PCDHGB1: variants seen among roughly 807,000 people sequenced by gnomAD.
PCDHGB1 encodes protocadherin gamma-B1.
In PCDHGB1, 34 loss-of-function variants were observed where a neutral mutation model predicts 56.6. The ratio of observed to expected loss-of-function variants is 0.60; its 90% CI spans 0.46 to 0.80. The LOEUF (loss-of-function observed/expected upper bound fraction) is 0.80, where lower values mean the gene tolerates loss of function less well. PCDHGB1 is among the 30% of genes least tolerant of loss of function. The pLI, the probability that PCDHGB1 is intolerant of heterozygous loss-of-function variation, is 0.00. For synonymous variants in PCDHGB1, 561 were observed against 505.9 expected, an observed-to-expected ratio of 1.11 and a Z score of -1.46; for missense variants, 1,278 against 1,204.6, an observed-to-expected ratio of 1.06 and a Z score of -0.90.
chr5:141,403,627 A>G lies in PCDHGB1; in HGVS notation c.2409+50958A>G, dbSNP rs1187522360. ...GCGGCGAGCCGCGTCGCTCCAGCAC[A>G]GTGCGCATCCATGTGACAGTGTTGG... On this transcript the variant is annotated intron_variant, in intron 1 of 3. Coordinates refer to ENST00000523390, the MANE Select transcript of PCDHGB1 (RefSeq NM_018922.3). 4 of 1,613,922 alleles carry G rather than the reference A, an allele frequency of 2.5e-6. No individual in the cohort carries two copies. The East Asian group carries it at 8.9e-5, about 36-fold the overall frequency.
chr5:141,422,338 A>C, intron 1 of PCDHGB1: 1 of 1,550,090 alleles, frequency 6.5e-7, no homozygotes, highest in Non-Finnish European at 8.7e-7. Flanking sequence ...TGCTCTTCTA[A>C]ATGTGCAAGA....
chr5:141,501,288 TATACACAC>T (rs1482707793), intron 2 of PCDHGB1, among the ~76,000 whole-genome samples: 1 of 81,228 alleles, frequency 1.2e-5, no homozygotes, highest in African/African-American at 4.9e-5. Flanking sequence ...GATATTCCCT[TATACACAC>T]ACACACACAC....
At position 141,430,782 on chromosome 5, in the gene PCDHGB1, G is replaced by C. The variant is rs1220976669; in HGVS notation, c.2410-64025G>C. 2.0e-6 allele frequency: 3 copies of C among 1,510,858 alleles called. No individual in the cohort carries two copies. The East Asian group carries it at 6.9e-5, about 35-fold the overall frequency. 93.6% of individuals were successfully genotyped at this position (1,510,858 alleles called of 1,614,324 possible). A position where few individuals can be genotyped will look rare whatever the true frequency, so the allele number is the denominator to read the frequency against. ...AGAATGATTCCTGCGCGACTGCACC[G>C]GGACTACAAAGGGCTTGTCCTGCTG... On this transcript the variant is annotated intron_variant, in intron 1 of 3. Coordinates refer to ENST00000523390, the MANE Select transcript of PCDHGB1 (RefSeq NM_018922.3).
In PCDHGB1 at chr5:141,477,294, C is replaced by G. The variant is rs753131175; in HGVS notation, c.2410-17513C>G. On this transcript the variant is annotated intron_variant, in intron 1 of 3. Coordinates refer to ENST00000523390, the MANE Select transcript of PCDHGB1 (RefSeq NM_018922.3). This position sits in a 1 kb window ranked among gnomAD's most constrained non-coding sequence, Gnocchi z 4.9. ...GGGCTGGTGACCTGCGAAGTTCCACCGGGTCTCCCTTTCAGCCTTACTTCT... is the reference window on the plus strand; with the variant it reads ...GGGCTGGTGACCTGCGAAGTTCCACGGGGTCTCCCTTTCAGCCTTACTTCT... The G allele has an allele frequency of 2.1e-5, 34 of 1,614,024 alleles. No individual in the cohort carries two copies. Among genetic ancestry groups the G allele is most frequent in the Non-Finnish European group, 2.9e-5 (34 of 1,180,036 alleles).
chr5:141,375,832 G>T, intron 1 of PCDHGB1: 1 of 1,614,146 alleles, frequency 6.2e-7, no homozygotes, highest in Non-Finnish European at 8.5e-7. Flanking sequence ...GCTCCGCAGA[G>T]CCCGGCTACC....
At chr5:141,420,692 A>G (rs2096518268) in intron 1 of PCDHGB1, among the ~76,000 whole-genome samples, 1 of 152,228 alleles carries the variant, frequency 6.6e-6, no homozygotes, top group Admixed American at 6.5e-5. Context: ...GGACCGTATT[A>G]TTTCCACTTC....
At chr5:141,374,730 A>G (rs1770785005) in intron 1 of PCDHGB1, 1 of 1,610,644 alleles carries the variant, frequency 6.2e-7, no homozygotes, top group South Asian at 1.1e-5. Context: ...ACTGCCATGG[A>G]TGGCGGCGAC....
chr5:141,380,249 A>G (rs758616884), intron 1 of PCDHGB1, among the ~76,000 whole-genome samples: 1 of 152,198 alleles, frequency 6.6e-6, no homozygotes, highest in African/African-American at 2.4e-5. Flanking sequence ...GCAATTGTCA[A>G]AGGGGAAGGA....
chr5:141,421,071 A>G (rs1197006989), intron 1 of PCDHGB1: 1 of 608,760 alleles, frequency 1.6e-6, no homozygotes, highest in East Asian at 2.9e-5. Flanking sequence ...GCGGAATGAG[A>G]TGGATACTCA....
At chr5:141,394,910 C>T in intron 1 of PCDHGB1, 1 of 1,613,766 alleles carries the variant, frequency 6.2e-7, no homozygotes. Context: ...CAGTGGCTGC[C>T]ATCTCCTGTG....
chr5:141,495,108 C>G (rs1304714928), intron 2 of PCDHGB1, among the ~76,000 whole-genome samples: 1 of 152,176 alleles, frequency 6.6e-6, no homozygotes, highest in Admixed American at 6.5e-5. Context: ...ACGACCGGCA[C>G]CTTTTCCTAT....
At chr5:141,395,424 T>C in intron 1 of PCDHGB1, 2 of 735,384 alleles carry the variant, frequency 2.7e-6, no homozygotes, top group Middle Eastern at 7.8e-4. Flanking sequence ...TTTCATTTGC[T>C]TTTAAACGAC....
Position 141,400,130 on chromosome 5 carries a change from T to C in PCDHGB1, c.2409+47461T>C, listed in dbSNP as rs369250985. On this transcript the variant is annotated intron_variant, in intron 1 of 3. Transcript: ENST00000523390. ...TTTGCTGACAGCTTGCAGGAGGTGC[T>C]GCCGGATATCACTGACCGCCCTGTA... is the stretch of plus-strand genomic sequence containing the variant. The C allele has an allele frequency of 1.9e-6, 3 of 1,613,954 alleles. No individual in the cohort carries two copies. The African/African-American group carries it at 4.0e-5, about 22-fold the overall frequency.
chr5:141,372,473 A>G lies in PCDHGB1; in HGVS notation c.2409+19804A>G, dbSNP rs780091616. 54 of 1,613,996 alleles carry G rather than the reference A, an allele frequency of 3.3e-5. 1 individual carries two copies. The South Asian group carries it at 3.6e-4, about 11-fold the overall frequency. On this transcript the variant is annotated intron_variant, in intron 1 of 3. Transcript: ENST00000523390. ...AGGCGGAGCTACAGTTTCACCTAGT[A>G]GTGGCGTTGGCCTTGATCTCAGTGC... is the stretch of plus-strand genomic sequence containing the variant.
intron 1 of PCDHGB1, chr5:141,374,359 C>T (rs1179448303): frequency 6.2e-7 from 1 of 1,614,000 alleles, no homozygotes; most frequent in Admixed American, 1.7e-5. Context: ...GGATAGACCG[C>T]GAGGAGCTCT....
At position 141,489,157 on chromosome 5, in the gene PCDHGB1, C is replaced by A. The variant is rs1222682069; in HGVS notation, c.2410-5650C>A. 1.0e-6 allele frequency: 1 copy of A among 984,444 alleles called. No homozygotes were observed. The highest frequency in any genetic ancestry group is 1.6e-5 in the African/African-American group (1 of 61,296). The allele number at this position is 984,444 out of a possible 1,614,324, so 61.0% of individuals were successfully genotyped here. On this transcript the variant is annotated intron_variant, in intron 1 of 3. Coordinates refer to ENST00000523390, the MANE Select transcript of PCDHGB1 (RefSeq NM_018922.3). This position sits in a 1 kb window ranked among gnomAD's most constrained non-coding sequence, Gnocchi z 4.5. ...AGAGGCTGGAAGGAGACATAAGAGA[C>A]TTCAGCTGCTGCATTCCAAGCCCTG...
chr5:141,416,759 C>T (rs1045872662), intron 1 of PCDHGB1: 2 of 152,130 alleles, frequency 1.3e-5, no homozygotes, highest in African/African-American at 4.8e-5. Flanking sequence ...TTAGGTAGAT[C>T]TCTTAATTTT....
intron 1 of PCDHGB1, chr5:141,371,298 A>G (rs1767641174): frequency 6.2e-7 from 1 of 1,614,018 alleles, no homozygotes; most frequent in Non-Finnish European, 8.5e-7. Context: ...GGGGGAACTC[A>G]CCACTATTGG....
At chr5:141,371,558 A>G in intron 1 of PCDHGB1, 1 of 1,613,764 alleles carries the variant, frequency 6.2e-7, no homozygotes, top group Non-Finnish European at 8.5e-7. Context: ...AACTAAAAGG[A>G]AACTTCCCCT....
Sources: allele counts gnomAD v4.1 joint callset (sites outside exome capture counted in the v4.1 genomes callset), GRCh38; gene constraint gnomAD v4.1.1; non-coding constraint Gnocchi (gnomAD v3.1); transcripts MANE v1.5; gene names NCBI Gene and HGNC (gene_info 2026-07-23, HGNC 2026-07-21).